ANO4: variants seen among roughly 807,000 people sequenced by gnomAD.
The protein encoded by ANO4 is anoctamin-4.
A neutral mutation model predicts 141.9 loss-of-function variants in ANO4; 69 were observed. That is an observed-to-expected ratio of 0.49 (90% confidence interval 0.40 to 0.59). The LOEUF is 0.59. ANO4 is among the 20% of genes least tolerant of loss of function. The probability of loss-of-function intolerance (pLI) is 0.00; values close to 1 mark genes in which losing one functional copy is unlikely to be tolerated. For missense variants in ANO4, 894 were observed against 1,162.2 expected (o/e 0.77, Z 3.36); for synonymous variants, 350 against 394.3 (o/e 0.89, Z 1.33).
At chr12:101,124,525 T>C (rs1009229615) in intron 26 of ANO4, among the ~76,000 whole-genome samples, 2 of 152,234 alleles carry the variant, frequency 1.3e-5, no homozygotes, top group African/African-American at 4.8e-5. Context: ...TTTGGTGTTT[T>C]CATCATGAAA....
In ANO4 at chr12:100,781,696, C is replaced by T. The variant is rs370840457; in HGVS notation, c.358+41591C>T. Among the ~76,000 whole-genome samples the T allele has an allele frequency of 3.9e-5, 6 of 152,282 alleles. No individual in the cohort carries two copies. The East Asian group carries it at 7.7e-4, about 20-fold the overall frequency. On this transcript the variant is annotated intron_variant, in intron 3 of 29. Transcript: ENST00000644049. ...GAGAAATGGCCTTTAGTTCTAATGA[C>T]AGTTAATAACTGTTTTGCTACATAG...
At chr12:100,813,864 T>A (rs2035582917) in intron 1 of ANO4, among the ~76,000 whole-genome samples, 1 of 152,182 alleles carries the variant, frequency 6.6e-6, no homozygotes, top group African/African-American at 2.4e-5. Context: ...CTTCACTGAG[T>A]TGGGGCAGAT....
At chr12:101,125,729 C>A (rs1411668135) in intron 26 of ANO4, among the ~76,000 whole-genome samples, 4 of 152,116 alleles carry the variant, frequency 2.6e-5, no homozygotes. Context: ...AACTTTTTAT[C>A]CCAGGGATGA....
chr12:101,037,878 C>A (rs1228546523), intron 10 of ANO4, among the ~76,000 whole-genome samples: 1 of 152,182 alleles, frequency 6.6e-6, no homozygotes, highest in Non-Finnish European at 1.5e-5. Flanking sequence ...CCTCTGGGAC[C>A]TCACAAAGTA....
At position 101,094,277 on chromosome 12, in the gene ANO4, C is replaced by T; in HGVS notation, c.1723C>T (p.Leu575Phe). The T allele has an allele frequency of 4.3e-6, 7 of 1,611,192 alleles. No homozygotes were observed. The highest frequency in any genetic ancestry group is 5.1e-6 in the Non-Finnish European group (6 of 1,177,666). ...ACAGCTCTATGAAAAAGTTGCCCTG[C>T]TTCTGACGAATTTAGGTGAGTGGAA... ...LNVLYEKVAL[L>F]LTNLEQPRTE... The change falls in exon 18 of 28, where the codon CTT (leucine) becomes TTT (phenylalanine). Residue 575 changes from leucine to phenylalanine, a missense_variant. Around this residue, in one of 2 missense-constraint regions of ANO4, gnomAD observed 637 missense variants for 909.2 expected, o/e 0.70. Transcript: ENST00000392977.
At chr12:100,919,724 GTGTGTATGTATGTATC>G (rs1566010404) in intron 2 of ANO4, among the ~76,000 whole-genome samples, 9 of 120,822 alleles carry the variant, frequency 7.4e-5, no homozygotes, top group African/African-American at 2.8e-4. Flanking sequence ...ATGTATGTAT[GTGTGTATGTATGTATC>G]TATCTATCTA....
upstream of ANO4, among the ~76,000 whole-genome samples, chr12:100,793,238 C>T (rs117227915): frequency 2.2e-3 from 338 of 152,324 alleles, 11 homozygotes; most frequent in South Asian, 0.055. Context: ...AACAAAACAG[C>T]ATTTGAGAAT....
chr12:101,062,410 C>G (rs1430606426), intron 14 of ANO4, among the ~76,000 whole-genome samples: 2 of 152,214 alleles, frequency 1.3e-5, no homozygotes, highest in East Asian at 3.9e-4. Flanking sequence ...AGCTCGAGCA[C>G]TGTGCTGGGA....
At chr12:100,948,339 C>T (rs1417288674) in intron 5 of ANO4, among the ~76,000 whole-genome samples, 1 of 151,990 alleles carries the variant, frequency 6.6e-6, no homozygotes, top group Non-Finnish European at 1.5e-5. Flanking sequence ...CACTTACAAG[C>T]TGAGTGGTCA....
At chr12:100,755,209 C>T (rs948431136) in intron 3 of ANO4, among the ~76,000 whole-genome samples, 2 of 152,166 alleles carry the variant, frequency 1.3e-5, no homozygotes, top group Non-Finnish European at 2.9e-5. Context: ...AAGCATCCTG[C>T]ATTCCAGCTC....
chr12:100,905,906 G>A (rs1312385358), intron 2 of ANO4, among the ~76,000 whole-genome samples: 1 of 151,966 alleles, frequency 6.6e-6, no homozygotes, highest in Non-Finnish European at 1.5e-5. Flanking sequence ...GTGTGCTGAG[G>A]GTCTAATAAG....
chr12:101,013,755 T>C (rs1219257620), intron 8 of ANO4, among the ~76,000 whole-genome samples: 1 of 152,238 alleles, frequency 6.6e-6, no homozygotes, highest in South Asian at 2.1e-4. Context: ...CCATATTGGA[T>C]AGCACAGATA....
intron 14 of ANO4, among the ~76,000 whole-genome samples, chr12:101,058,846 C>T (rs1401680842): frequency 1.3e-5 from 2 of 152,076 alleles, no homozygotes; most frequent in Non-Finnish European, 2.9e-5. Context: ...TATTTGAATA[C>T]CCTTTATTTC....
At chr12:101,071,949 A>G (rs768104766) in intron 14 of ANO4, among the ~76,000 whole-genome samples, 1 of 152,186 alleles carries the variant, frequency 6.6e-6, no homozygotes, top group Non-Finnish European at 1.5e-5. Context: ...GTCTGTCTAA[A>G]TGCCTTAGTA....
At chr12:101,043,775 G>C (rs1300222564) in intron 13 of ANO4, 140 bp downstream of exon 13, 1 of 639,558 alleles carries the variant, frequency 1.6e-6, no homozygotes, top group East Asian at 2.8e-5. Context: ...CCATCATTCA[G>C]TATTCTAATT....
chr12:101,127,186 C>A, intron 27 of ANO4, 112 bp downstream of exon 27: 1 of 1,103,906 alleles, frequency 9.1e-7, no homozygotes, highest in Non-Finnish European at 1.3e-6. Context: ...AAAATAAACT[C>A]CTTAGAAGCT....
At chr12:100,812,131 T>A (rs2035477761) in intron 1 of ANO4, among the ~76,000 whole-genome samples, 1 of 152,186 alleles carries the variant, frequency 6.6e-6, no homozygotes, top group Non-Finnish European at 1.5e-5. Flanking sequence ...TCCTTTTAAC[T>A]ATTAACACTT....
At chr12:100,842,334 CTG>C (rs2037313465) in intron 1 of ANO4, 1 of 151,974 alleles carries the variant, frequency 6.6e-6, no homozygotes, top group African/African-American at 2.4e-5. Flanking sequence ...AAAGTTTCCT[CTG>C]TGACCACATT....
At chr12:100,868,301 TTGG>T (rs911709481) in intron 1 of ANO4, among the ~76,000 whole-genome samples, 2 of 152,166 alleles carry the variant, frequency 1.3e-5, no homozygotes, top group African/African-American at 2.4e-5. Context: ...TCAGTGGAAC[TTGG>T]TGAGAGGCTA....
Sources: allele counts gnomAD v4.1 joint callset (sites outside exome capture counted in the v4.1 genomes callset), GRCh38; gene constraint gnomAD v4.1.1; regional missense constraint gnomAD v4.1.1; transcripts MANE v1.5; gene names NCBI Gene and HGNC (gene_info 2026-07-23, HGNC 2026-07-21).